Variants in COMMD5 observed in about 807,000 individuals in gnomAD.
COMMD5 encodes COMM domain-containing protein 5.
Under a neutral mutation model 6.9 loss-of-function variants are expected in COMMD5, and 10 were observed. The ratio of observed to expected loss-of-function variants is 1.44; its 90% CI spans 0.89 to 2.45. The LOEUF (loss-of-function observed/expected upper bound fraction) is 2.45, where lower values mean the gene tolerates loss of function less well. Ranked by LOEUF, COMMD5 falls within the 30% of genes most tolerant of loss-of-function variation. COMMD5 has a pLI of 0.00. For synonymous variants in COMMD5, 127 were observed against 125.3 expected (o/e 1.01, Z -0.09); for missense variants, 234 against 287.8 (o/e 0.81, Z 1.35).
chr8:144,837,985 A>G (rs890931003), downstream of COMMD5: 10 of 682,002 alleles, frequency 1.5e-5, no homozygotes, highest in Non-Finnish European at 2.7e-5. Context: ...AGCTTAAAAC[A>G]ACAGAAATTT....
downstream of COMMD5, among the ~76,000 whole-genome samples, chr8:144,839,563 G>C (rs557394344): frequency 7.6e-4 from 116 of 152,238 alleles, no homozygotes; most frequent in Admixed American, 2.2e-3. Context: ...TGTAGCAGGT[G>C]GTCCTCACTG....
chr8:144,844,504 A>T (rs1266048085), intron 1 of COMMD5, among the ~76,000 whole-genome samples: 2 of 151,370 alleles, frequency 1.3e-5, no homozygotes, highest in African/African-American at 4.9e-5. Flanking sequence ...AGGTCAGGAG[A>T]TGAAGACCAT....
chr8:144,841,799 A>C (rs61254094), intron 1 of COMMD5: 1 of 1,614,252 alleles, frequency 6.2e-7, no homozygotes, highest in African/African-American at 1.3e-5. Context: ...TGCCAAAAAA[A>C]GTTATCTGAC....
downstream of COMMD5, among the ~76,000 whole-genome samples, chr8:144,845,627 C>T (rs776525571): frequency 1.3e-5 from 2 of 152,206 alleles, no homozygotes; most frequent in Non-Finnish European, 2.9e-5. Flanking sequence ...CTGATATTCA[C>T]AGGCATGAGG....
chr8:144,844,257 G>T (rs1586850020), intron 1 of COMMD5, among the ~76,000 whole-genome samples: 2 of 152,276 alleles, frequency 1.3e-5, no homozygotes, highest in East Asian at 3.9e-4. Context: ...GAGCACTCAA[G>T]CAAATGCAAG....
chr8:144,838,219 C>T (rs1046749715), downstream of COMMD5: 26 of 691,566 alleles, frequency 3.8e-5, no homozygotes, highest in Non-Finnish European at 5.3e-5. Context: ...GTTCATGTGG[C>T]CATCTCCTTA....
chr8:144,847,720 G>A (rs908085467), downstream of COMMD5, among the ~76,000 whole-genome samples: 2 of 152,356 alleles, frequency 1.3e-5, no homozygotes, highest in Admixed American at 6.5e-5. Context: ...TGCAGGTGGG[G>A]AGGCATCCAG....
intron 1 of COMMD5, chr8:144,852,230 C>G (rs1410455113): frequency 6.6e-6 from 1 of 152,240 alleles, no homozygotes; most frequent in Non-Finnish European, 1.5e-5. Context: ...AAGCTCTAAA[C>G]ACAGCTGCCA....
rs775014077 is a variant in COMMD5 at position 144,851,066 on chromosome 8, T to C, written c.273A>G (p.Thr91=). Residue 91 remains threonine (T), a synonymous_variant, in exon 2 of 2, where the codon ACA becomes ACG. Coordinates refer to ENST00000305103, the MANE Select transcript of COMMD5 (RefSeq NM_014066.4). ...QLGALLAGMH[T]LLQQALRLPP... ...GCAGACGGAGGGCCTGCTGGAGCAGTGTGTGCATGCCTGCCAGCAGGGCAC... is the reference window on the plus strand; with the variant it reads ...GCAGACGGAGGGCCTGCTGGAGCAGCGTGTGCATGCCTGCCAGCAGGGCAC... The C allele has an allele frequency of 4.3e-6, 7 of 1,612,484 alleles. No individual in the cohort carries two copies. In the Admixed American group the frequency reaches 6.7e-5, roughly 15 times the overall value.
intron 1 of COMMD5, among the ~76,000 whole-genome samples, chr8:144,852,059 T>C (rs751013799): frequency 6.7e-6 from 1 of 149,156 alleles, no homozygotes; most frequent in Non-Finnish European, 1.5e-5. Flanking sequence ...GAGGATCCCT[T>C]GAGCCCAGGA....
At chr8:144,852,685 C>T (rs1468573651) in intron 1 of COMMD5, 154 bp downstream of exon 1, 1 of 152,402 alleles carries the variant, frequency 6.6e-6, no homozygotes, top group South Asian at 2.1e-4. Flanking sequence ...CGCTTCCGGT[C>T]GCGCGGCTTG....
chr8:144,839,262 A>G (rs1829533399), downstream of COMMD5, among the ~76,000 whole-genome samples: 1 of 152,162 alleles, frequency 6.6e-6, no homozygotes, highest in Admixed American at 6.5e-5. Context: ...TTCAAAGGAC[A>G]AGGAGGGTTT....
rs754083127 is a variant in COMMD5, at chr8:144,842,107, T to C, written c.*117-364A>G. ...GAGAATCCACACAGGAGAGAGGCCC[T>C]ATGGTTGTCGTGAGTGTGGGAAAGC... On this transcript the variant is annotated intron_variant and NMD_transcript_variant, in intron 1 of 1. Transcript: ENST00000530332. 5 of 1,614,120 alleles carry C rather than the reference T, an allele frequency of 3.1e-6. No homozygotes were observed. In the Admixed American group the frequency reaches 6.7e-5, roughly 22 times the overall value.
chr8:144,853,211 G>GC (rs1563858540), upstream of COMMD5: 2 of 147,874 alleles, frequency 1.4e-5, no homozygotes, highest in Non-Finnish European at 3.0e-5. Flanking sequence ...GTCTTAGACA[G>GC]TTTTTTTTTT....
At chr8:144,842,321 G>T (rs568443862) in intron 1 of COMMD5, 8 of 1,613,978 alleles carry the variant, frequency 5.0e-6, no homozygotes, top group South Asian at 2.2e-5. Context: ...GCACATCAGA[G>T]AATTCACGCT....
At chr8:144,838,052 C>T (rs558081814), downstream of COMMD5, 4 of 693,644 alleles carry the variant, frequency 5.8e-6, no homozygotes, top group African/African-American at 4.1e-5. Context: ...GCAAGCAGGG[C>T]CGTGCCCCCC....
At chr8:144,846,038 A>G (rs1324571847), downstream of COMMD5, 2 of 1,536,362 alleles carry the variant, frequency 1.3e-6, no homozygotes, top group South Asian at 1.2e-5. Context: ...ACCGCCTGCA[A>G]CTCCTGTTCC....
chr8:144,838,348 TC>T (rs1327489412), downstream of COMMD5: 71 of 568,346 alleles, frequency 1.2e-4, 1 homozygote, highest in Non-Finnish European at 1.9e-5. Flanking sequence ...AGTTAGGACT[TC>T]AGCCTATCTT....
downstream of COMMD5, among the ~76,000 whole-genome samples, chr8:144,845,682 A>AG (rs1250839236): frequency 2.0e-5 from 3 of 152,158 alleles, no homozygotes; most frequent in Non-Finnish European, 2.9e-5. Flanking sequence ...CTTGTCATTC[A>AG]GGGGGAACCT....
Sources: gnomAD v4.1 joint callset for allele counts (sites outside exome capture counted in the v4.1 genomes callset) on GRCh38, gnomAD v4.1.1 for gene constraint, MANE v1.5 for transcripts, NCBI Gene and HGNC (gene_info 2026-07-23, HGNC 2026-07-21) for gene names.